Variants in MORC4 observed in about 807,000 individuals in gnomAD.
MORC4 encodes the protein MORC family CW-type zinc finger 4.
In MORC4, 22 loss-of-function variants were observed where a neutral mutation model predicts 65.5. That is an observed-to-expected ratio of 0.34 (90% confidence interval 0.24 to 0.48). The LOEUF (loss-of-function observed/expected upper bound fraction) is 0.48. Ranked by LOEUF, MORC4 falls within the 20% of genes least tolerant of loss-of-function variation. The pLI is 0.99. For synonymous variants in MORC4, 267 were observed against 255.8 expected, an observed-to-expected ratio of 1.04 and a Z score of -0.42; for missense variants, 624 against 703.0, an observed-to-expected ratio of 0.89 and a Z score of 1.27.
Position 106,941,642 on chromosome X carries a change from G to A in MORC4, c.2661-10C>T. 1.7e-6 allele frequency: 2 copies of A among 1,204,779 alleles called. No individual in the cohort carries two copies. Among genetic ancestry groups the A allele is most frequent in the Non-Finnish European group, 2.2e-6 (2 of 891,522 alleles). On this transcript the variant is annotated splice_polypyrimidine_tract_variant and intron_variant, in intron 16 of 16. Transcript: ENST00000355610. ...AAGCTTTGCCAAAGCCCTGTATGAA[G>A]GAGTGAGGGGGCAGGAGAAGAGATG...
Position 106,956,533 on chromosome X carries a change from C to G in MORC4, c.1456G>C (p.Glu486Gln), listed in dbSNP as rs1484247673. The part of the protein sequence containing the change: ...DLCLSKAKKQ[E>Q]QTVEEKKKMP... ...TTCTTCTTCTCCTCAACAGTTTGTT[C>G]TCTAGGAGAAGATAAAAGTGCTATT... Residue 486 changes from glutamate to glutamine, a missense_variant and splice_region_variant, in exon 13 of 17, where the codon GAA (glutamate) becomes CAA (glutamine). Physicochemically the swap from Glu to Gln is conservative, Grantham distance 29 (BLOSUM62 2). Transcript: ENST00000355610. 8.3e-7 allele frequency: 1 copy of G among 1,199,823 alleles called. No individual in the cohort carries two copies. The highest frequency in any genetic ancestry group is 1.1e-6 in the Non-Finnish European group (1 of 885,987).
chrX:106,962,001 G>C lies in MORC4; in HGVS notation c.1256+11C>G, dbSNP rs73533054. The C allele has an allele frequency of 0.023, 26,014 of 1,133,779 alleles. 3,692 individuals carry two copies. In the African/African-American group the frequency reaches 0.41, roughly 18 times the overall value. The allele number at this position is 1,133,779 out of a possible 1,213,427, so 93.4% of individuals were successfully genotyped here. A position where few individuals can be genotyped will look rare whatever the true frequency, so the allele number is the denominator to read the frequency against. On this transcript the variant is annotated intron_variant, in intron 10 of 16. Coordinates refer to ENST00000355610, the MANE Select transcript of MORC4 (RefSeq NM_024657.5). The stretch of plus-strand genomic sequence containing the variant: ...CCCCTAATACATTCATATTCTGTAT[G>C]TATTACTTACGGTATTGGCCTGGCT...
chrX:106,956,976 G>A lies in MORC4; in HGVS notation c.1414C>T (p.Leu472Phe), dbSNP rs1448956118. The A allele has an allele frequency of 2.0e-5, 24 of 1,197,180 alleles. No homozygotes were observed. In the Admixed American group the frequency reaches 5.0e-4, roughly 25 times the overall value. Residue 472 changes from leucine (L) to phenylalanine (F), a missense_variant, in exon 12 of 17, where the codon CTC becomes TTC. Physicochemically the swap from Leu to Phe is conservative, Grantham distance 22. Transcript: ENST00000355610. ...RRCSVPEEQE[L>F]TDEDLCLSKA... ...CTCAAGCACAGGTCTTCATCAGTGA[G>A]TTCTTGTTCCTCTGGAACAGAGCAT...
intron 2 of MORC4, among the ~76,000 whole-genome samples, chrX:106,998,360 G>C (rs1048980596): frequency 5.4e-5 from 6 of 111,911 alleles, no homozygotes; most frequent in Non-Finnish European, 1.1e-4. Flanking sequence ...TAATGCTTAT[G>C]GCCAAAATCA....
intron 9 of MORC4, 130 bp from the exon 10 acceptor site, chrX:106,962,240 T>A: frequency 2.1e-6 from 1 of 476,639 alleles, no homozygotes; most frequent in Non-Finnish European, 3.5e-6. Context: ...ATCTACACTT[T>A]AAGAAACCAA....
chrX:106,984,984 C>T, intron 5 of MORC4, 112 bp downstream of exon 5: 1 of 671,456 alleles, frequency 1.5e-6, no homozygotes, highest in Non-Finnish European at 2.1e-6. Flanking sequence ...GCCTGGGCAA[C>T]ATAATGAGAC....
intron 13 of MORC4, among the ~76,000 whole-genome samples, chrX:106,955,554 G>C (rs1387816516): frequency 9.0e-6 from 1 of 110,802 alleles, no homozygotes; most frequent in Non-Finnish European, 1.9e-5. Context: ...CATGCATCTG[G>C]ATCTTGTGGG....
intron 9 of MORC4, among the ~76,000 whole-genome samples, chrX:106,973,854 C>T (rs917537035): frequency 9.0e-6 from 1 of 111,518 alleles, no homozygotes; most frequent in Non-Finnish European, 1.9e-5. Flanking sequence ...CCTAGAGCCT[C>T]CAGAAAGGAA....
chrX:106,992,108 T>G (rs1164693278), intron 3 of MORC4, among the ~76,000 whole-genome samples: 1 of 112,124 alleles, frequency 8.9e-6, no homozygotes, highest in East Asian at 2.8e-4. Context: ...TCACAATTCT[T>G]GTTTCACTTT....
intron 2 of MORC4, among the ~76,000 whole-genome samples, chrX:106,999,020 T>C (rs769820557): frequency 7.1e-5 from 8 of 112,316 alleles, no homozygotes; most frequent in Non-Finnish European, 1.1e-4. Context: ...AGTAGCACAC[T>C]ACTGCAAAAA....
Position 106,957,008 on chromosome X carries a change from C to A in MORC4, c.1386-4G>T. On this transcript the variant is annotated splice_polypyrimidine_tract_variant and splice_region_variant and intron_variant, in intron 11 of 16. Transcript: ENST00000355610. Reference sequence around the variant, plus strand: ...TTCCTCTGGAACAGAGCATCTCCTGCAGTACAGAGAATAAATCATCCTTTG... The same window carrying A: ...TTCCTCTGGAACAGAGCATCTCCTGAAGTACAGAGAATAAATCATCCTTTG... 1 of 1,165,999 alleles carries A rather than the reference C, an allele frequency of 8.6e-7. No individual in the cohort carries two copies. The highest frequency in any genetic ancestry group is 1.2e-6 in the Non-Finnish European group (1 of 859,176).
intron 8 of MORC4, among the ~76,000 whole-genome samples, 171 bp downstream of exon 8, chrX:106,977,905 TAGAA>T (rs1002253914): frequency 1.8e-5 from 2 of 111,306 alleles, no homozygotes; most frequent in African/African-American, 6.5e-5. Flanking sequence ...GAATGAGAGT[TAGAA>T]AGAGATTTCA....
At chrX:106,947,305 G>C (rs1372251440) in intron 14 of MORC4, among the ~76,000 whole-genome samples, 1 of 108,878 alleles carries the variant, frequency 9.2e-6, no homozygotes, top group South Asian at 4.0e-4. Flanking sequence ...CATTTGAGAA[G>C]AATACATACT....
intron 5 of MORC4, 53 bp downstream of exon 5, chrX:106,985,043 T>C: frequency 1.0e-6 from 1 of 982,989 alleles, no homozygotes; most frequent in Non-Finnish European, 1.4e-6. Flanking sequence ...TAAAAATGTG[T>C]TTCATCATAC....
intron 14 of MORC4, among the ~76,000 whole-genome samples, chrX:106,951,959 G>GCACTC (rs1433695489): frequency 1.0e-4 from 9 of 87,893 alleles, no homozygotes; most frequent in African/African-American, 4.2e-4. Flanking sequence ...TTGCGCCACT[G>GCACTC]CACTCCAGCC....
intron 10 of MORC4, among the ~76,000 whole-genome samples, chrX:106,960,207 T>C (rs899569284): frequency 8.9e-6 from 1 of 112,354 alleles, no homozygotes; most frequent in African/African-American, 3.2e-5. Flanking sequence ...TCTACATGCA[T>C]ATGCATAGGA....
chrX:106,985,275 T>C, intron 4 of MORC4, 32 bp from the exon 5 acceptor site: 2 of 1,038,458 alleles, frequency 1.9e-6, no homozygotes, highest in East Asian at 3.2e-5. Flanking sequence ...GAAAAAATAA[T>C]ATCTTAGGAT....
intron 9 of MORC4, among the ~76,000 whole-genome samples, chrX:106,971,210 T>C (rs1172094875): frequency 3.6e-5 from 4 of 111,364 alleles, no homozygotes; most frequent in Non-Finnish European, 5.7e-5. Flanking sequence ...ACACAAGCAA[T>C]AGGGAAAAGA....
rs375934444 is a variant in MORC4 at position 106,981,415 on chromosome X, T to C, written c.737A>G (p.Asp246Gly). 8.3e-7 allele frequency: 1 copy of C among 1,203,505 alleles called. No homozygotes were observed. The highest frequency in any genetic ancestry group is 1.1e-6 in the Non-Finnish European group (1 of 889,574). ...DTDQYDILVS[D>G]FDTEEKMTGG... ...AGTCATTTTTTCTTCTGTGTCAAAG[T>C]CTGATACCAGGATGTCATATTGATC... The change falls in exon 6 of 17, where the codon GAC (aspartate) becomes GGC (glycine). Residue 246 changes from aspartate to glycine, a missense_variant. Coordinates refer to ENST00000355610, the MANE Select transcript of MORC4 (RefSeq NM_024657.5).
Sources: allele counts gnomAD v4.1 joint callset (sites outside exome capture counted in the v4.1 genomes callset), GRCh38; gene constraint gnomAD v4.1.1; transcripts MANE v1.5; gene names NCBI Gene and HGNC (gene_info 2026-07-23, HGNC 2026-07-21).